The following RAI1 variants were observed in gnomAD, a reference collection of about 807,000 sequenced individuals.
The protein encoded by RAI1 is retinoic acid induced 1.
RAI1 carries 9 observed loss-of-function variants against 123.8 expected under a neutral mutation model. The ratio of observed to expected loss-of-function variants is 0.07; its 90% confidence interval spans 0.04 to 0.13. RAI1 has a LOEUF of 0.13. Among genes scored for constraint, RAI1 ranks in the 10% least tolerant of loss-of-function variants. The probability of loss-of-function intolerance (pLI) is 1.00; values close to 1 mark genes in which losing one functional copy is unlikely to be tolerated. For missense variants in RAI1, 2,256 were observed against 2,545.8 expected (o/e 0.89, Z 2.45); for synonymous variants, 1,231 against 1,127.3 (o/e 1.09, Z -1.84).
At chr17:17,788,406 T>C (rs1203483682) in intron 2 of RAI1, among the ~76,000 whole-genome samples, 1 of 152,134 alleles carries the variant, frequency 6.6e-6, no homozygotes, top group Non-Finnish European at 1.5e-5. Flanking sequence ...TAGCAGTGAA[T>C]CTGGCGAACG....
chr17:17,735,402 G>A (rs1194996844), intron 2 of RAI1, among the ~76,000 whole-genome samples: 2 of 146,204 alleles, frequency 1.4e-5, no homozygotes, highest in Admixed American at 1.4e-4. Context: ...TACCCAGGCT[G>A]GAGTGCAGTG....
At chr17:17,734,590 CAG>C (rs1258237568) in intron 2 of RAI1, among the ~76,000 whole-genome samples, 1 of 152,204 alleles carries the variant, frequency 6.6e-6, no homozygotes, top group Non-Finnish European at 1.5e-5. Context: ...GTCATGGAGA[CAG>C]AGCCCCTTTT....
chr17:17,694,345 T>C (rs1252664509), intron 1 of RAI1, among the ~76,000 whole-genome samples: 1 of 151,930 alleles, frequency 6.6e-6, no homozygotes, highest in Non-Finnish European at 1.5e-5. Context: ...GGGAGGAACA[T>C]AGCCAGGAAG....
rs745917551 is a variant in RAI1 at position 17,795,363 on chromosome 17, G to C, written c.2415G>C (p.Ser805=). 6.3e-7 allele frequency: 1 copy of C among 1,595,512 alleles called. No homozygotes were observed. The highest frequency in any genetic ancestry group is 8.6e-7 in the Non-Finnish European group (1 of 1,168,626). ...EEDPPGEKVA[S]LPGDFKQEEV... ...ACCCCCCTGGGGAGAAGGTGGCCTC[G>C]TTGCCCGGGGACTTCAAGCAGGAGG... The change falls in exon 3 of 6, where the codon TCG becomes TCC. Residue 805 remains serine, a synonymous_variant. Coordinates refer to ENST00000353383, the MANE Select transcript of RAI1 (RefSeq NM_030665.4). This position sits in a 1 kb window ranked among gnomAD's most constrained non-coding sequence, Gnocchi z 5.9.
intron 2 of RAI1, among the ~76,000 whole-genome samples, chr17:17,768,806 C>T (rs558239689): frequency 1.3e-5 from 2 of 152,334 alleles, no homozygotes; most frequent in South Asian, 2.1e-4. Flanking sequence ...GTGGCGGCTG[C>T]GGCTGGTGTT....
At chr17:17,788,329 C>G (rs1365049154) in intron 2 of RAI1, among the ~76,000 whole-genome samples, 1 of 152,158 alleles carries the variant, frequency 6.6e-6, no homozygotes, top group South Asian at 2.1e-4. Context: ...TTGTGGGCTC[C>G]TTGGAAACTC....
intron 2 of RAI1, among the ~76,000 whole-genome samples, chr17:17,745,067 G>C (rs1190891854): frequency 6.6e-6 from 1 of 152,086 alleles, no homozygotes; most frequent in African/African-American, 2.4e-5. Context: ...CATGGGGAGT[G>C]GGCCTGTAAA....
rs1292990673 is a variant in RAI1 at position 17,719,095 on chromosome 17, C to A, written c.-148-4933C>A. 2.0e-5 allele frequency among the ~76,000 whole-genome samples: 3 copies of A among 152,292 alleles called. No homozygotes were observed. In the East Asian group the frequency reaches 5.8e-4, roughly 29 times the overall value. On this transcript the variant is annotated intron_variant, in intron 1 of 5. Transcript: ENST00000353383. ...CCACCCTGGCCAGGCCTCATCATTG[C>A]CCACCTGGACTAGTGTAGGATGCAG...
intron 2 of RAI1, among the ~76,000 whole-genome samples, chr17:17,755,975 G>A (rs2030422471): frequency 6.6e-6 from 1 of 152,214 alleles, no homozygotes; most frequent in Admixed American, 6.5e-5. Context: ...AGTGTCCCCA[G>A]TGCGGCCCTC....
At position 17,689,316 on chromosome 17, in the gene RAI1, C is replaced by T. The variant is rs940391932; in HGVS notation, c.-149+7523C>T. Among the ~76,000 whole-genome samples the T allele has an allele frequency of 2.0e-5, 3 of 152,168 alleles. No individual in the cohort carries two copies. In the South Asian group the frequency reaches 6.2e-4, roughly 31 times the overall value. On this transcript the variant is annotated intron_variant, in intron 1 of 5. Transcript: ENST00000353383. ...CACATCTAACCCTTACCTGTAATAA[C>T]ATTGGCCAAAATGAGGAGTTTGGTG...
intron 1 of RAI1, among the ~76,000 whole-genome samples, chr17:17,704,371 G>A (rs372278164): frequency 6.6e-6 from 1 of 152,172 alleles, no homozygotes; most frequent in Non-Finnish European, 1.5e-5. Flanking sequence ...AGCATTGGAC[G>A]CCTGAAAGTG....
chr17:17,769,995 C>T (rs1335991279), intron 2 of RAI1, among the ~76,000 whole-genome samples: 2 of 151,910 alleles, frequency 1.3e-5, no homozygotes, highest in South Asian at 2.1e-4. Flanking sequence ...GGCGGGTGAG[C>T]GGGGGGGCCC....
rs538523780 is a variant in RAI1, at chr17:17,802,665, A to G, written c.5566-1091A>G. Among the ~76,000 whole-genome samples the G allele has an allele frequency of 3.2e-4, 48 of 152,262 alleles. 1 individual carries two copies. Among genetic ancestry groups the G allele is most frequent in the Admixed American group, 2.8e-3 (43 of 15,302 alleles). ...GTGGCGGGCACCTGTAGTCCCAGCT[A>G]CTGGGGAGGCTGAGGCAGGAGAATG... On this transcript the variant is annotated intron_variant, in intron 3 of 5. Transcript: ENST00000353383.
At chr17:17,683,803 CAG>C (rs1914526990) in intron 1 of RAI1, 1 of 152,236 alleles carries the variant, frequency 6.6e-6, no homozygotes, top group Non-Finnish European at 1.5e-5. Flanking sequence ...AAAGGGAACT[CAG>C]GGGTACTGGA....
chr17:17,713,848 C>G (rs2142910130), intron 1 of RAI1, among the ~76,000 whole-genome samples: 1 of 152,310 alleles, frequency 6.6e-6, no homozygotes, highest in East Asian at 1.9e-4. Context: ...GGCTCAGCCT[C>G]TCTCTCCAGC....
chr17:17,809,186 C>A lies in RAI1; in HGVS notation c.5660-204C>A. The A allele has an allele frequency of 1.5e-6, 1 of 669,972 alleles. No homozygotes were observed. The highest frequency in any genetic ancestry group is 2.7e-6 in the Non-Finnish European group (1 of 369,440). The allele number at this position is 669,972 out of a possible 1,614,324, so 41.5% of individuals were successfully genotyped here. A position where few individuals can be genotyped will look rare whatever the true frequency, so the allele number is the denominator to read the frequency against. On this transcript the variant is annotated intron_variant, in intron 4 of 5. Transcript: ENST00000353383. The surrounding 1 kb of genome is among the most constrained non-coding windows in gnomAD (Gnocchi z 4.9). ...GCGGAGGAGGTGAGGTGAGTCAAGA[C>A]TGCCAGGCCAGGGGCCGCACCCGCG...
At position 17,800,705 on chromosome 17, in the gene RAI1, G is replaced by A. The variant is rs926422189; in HGVS notation, c.5565+2192G>A. On this transcript the variant is annotated intron_variant, in intron 3 of 5. Coordinates refer to ENST00000353383, the MANE Select transcript of RAI1 (RefSeq NM_030665.4). The surrounding 1 kb of genome is among the most constrained non-coding windows in gnomAD (Gnocchi z 4.7). Reference sequence around the variant, plus strand: ...CCTGACAGCCTGCGCAACTAGGGCTGCCCCGGGAAGGTCGGAACCAGGAAC... The same window carrying A: ...CCTGACAGCCTGCGCAACTAGGGCTACCCCGGGAAGGTCGGAACCAGGAAC... Among the ~76,000 whole-genome samples the A allele has an allele frequency of 6.6e-6, 1 of 152,250 alleles. No homozygotes were observed. The highest frequency in any genetic ancestry group is 2.4e-5 in the African/African-American group (1 of 41,478).
intron 2 of RAI1, among the ~76,000 whole-genome samples, chr17:17,732,424 G>T (rs1916301119): frequency 6.6e-6 from 1 of 152,120 alleles, no homozygotes; most frequent in Non-Finnish European, 1.5e-5. Context: ...TGGGATCAGG[G>T]GTCACACTGT....
At chr17:17,751,702 C>T (rs1384264149) in intron 2 of RAI1, among the ~76,000 whole-genome samples, 2 of 152,218 alleles carry the variant, frequency 1.3e-5, no homozygotes, top group Non-Finnish European at 2.9e-5. Context: ...AGTGCTCTTC[C>T]TGGAGAGCCA....
Sources: allele counts gnomAD v4.1 joint callset (sites outside exome capture counted in the v4.1 genomes callset), GRCh38; gene constraint gnomAD v4.1.1; non-coding constraint Gnocchi (gnomAD v3.1); transcripts MANE v1.5; gene names NCBI Gene and HGNC (gene_info 2026-07-23, HGNC 2026-07-21).